The following AACS variants were observed in gnomAD, a reference collection of about 807,000 sequenced individuals.
The protein encoded by AACS is acetoacetyl-CoA synthetase.
Under a neutral mutation model 83.1 loss-of-function variants are expected in AACS, and 69 were observed. That is an observed-to-expected ratio of 0.83 (90% CI 0.68 to 1.01). The LOEUF (loss-of-function observed/expected upper bound fraction) is 1.01. AACS is among the 50% of genes least tolerant of loss of function. The pLI, the probability that AACS is intolerant of heterozygous loss-of-function variation, is 0.00. For missense variants in AACS, 866 were observed against 882.2 expected (o/e 0.98, Z 0.23); for synonymous variants, 333 against 343.4 (o/e 0.97, Z 0.33).
intron 7 of AACS, among the ~76,000 whole-genome samples, chr12:125,103,987 CAAAAAAAAAAAAAAAAAAA>C (rs71092274): frequency 0.1 from 4,289 of 41,768 alleles, 288 homozygotes; most frequent in East Asian, 0.32. Context: ...AACTCCGTCT[CAAAAAAAAAAAAAAAAAAA>C]AAAAAAAAAA....
intron 6 of AACS, 49 bp downstream of exon 6, chr12:125,102,842 G>T (rs1300469741): frequency 6.4e-7 from 1 of 1,557,134 alleles, no homozygotes. Context: ...TGTGTGTGTG[G>T]GTACATAAGA....
intron 10 of AACS, chr12:125,121,552 C>T (rs1296576635): frequency 3.3e-5 from 5 of 152,234 alleles, no homozygotes; most frequent in African/African-American, 1.2e-4. Flanking sequence ...ATTTTGTAGG[C>T]ACAGACAAGA....
Position 125,076,605 on chromosome 12 carries a change from A to G in AACS, c.352A>G (p.Ile118Val), listed in dbSNP as rs11549081. Residue 118 changes from isoleucine to valine, a missense_variant, in exon 3 of 18, where the codon ATT (isoleucine) becomes GTT (valine). Transcript: ENST00000316519. Reference protein sequence around the residue: ...HKENDRVALYIAREGKEEIVK... With the variant: ...HKENDRVALYVAREGKEEIVK... ...AGAGAATGACAGAGTTGCCCTTTAC[A>G]TTGCAAGTAAGTCCTGATGGCGAGA... 240,804 of 1,613,700 alleles carry G rather than the reference A, an allele frequency of 0.15. 19,958 individuals carry two copies. The highest frequency in any genetic ancestry group is 0.31 in the African/African-American group (23,080 of 74,910).
chr12:125,141,716 A>G (rs1311788044), intron 17 of AACS: 3 of 127,700 alleles, frequency 2.3e-5, no homozygotes, highest in Admixed American at 8.2e-5. Flanking sequence ...AAAAAGAAAA[A>G]AAAAGAAAAA....
intron 3 of AACS, among the ~76,000 whole-genome samples, chr12:125,079,543 G>A (rs1223889183): frequency 3.9e-5 from 6 of 152,038 alleles, no homozygotes; most frequent in Non-Finnish European, 5.9e-5. Context: ...CACTGTGTCC[G>A]GCTAATTTTT....
At chr12:125,071,560 T>G (rs562985808) in intron 1 of AACS, among the ~76,000 whole-genome samples, 6 of 152,324 alleles carry the variant, frequency 3.9e-5, no homozygotes, top group Middle Eastern at 3.4e-3. Context: ...AACAGGCTTT[T>G]AAGTGTGAGC....
Position 125,113,072 on chromosome 12 carries a change from G to A in AACS, c.916-1405G>A, listed in dbSNP as rs1268233622. Among the ~76,000 whole-genome samples the A allele has an allele frequency of 6.6e-6, 1 of 152,212 alleles. No individual in the cohort carries two copies. The highest frequency in any genetic ancestry group is 2.4e-5 in the African/African-American group (1 of 41,460). ...CCTGTCTGCCTGGCAGTCTCTGGAA[G>A]CTTCAGTTGCTGCTGTTTGTGGGCT... On this transcript the variant is annotated intron_variant, in intron 8 of 17. Transcript: ENST00000316519. This position sits in a 1 kb window ranked among gnomAD's most constrained non-coding sequence, Gnocchi z 4.8.
rs1203942370 is a variant in AACS at position 125,094,303 on chromosome 12, G to A, written c.570+2780G>A. On this transcript the variant is annotated intron_variant, in intron 5 of 17. Transcript: ENST00000316519. The surrounding 1 kb of genome is among the most constrained non-coding windows in gnomAD (Gnocchi z 4.1). ...CGCTCTTCAGAAACTGCAATGAAGC[G>A]TGAATGTCTTCCCTTTGGAATCATG... Among the ~76,000 whole-genome samples the A allele has an allele frequency of 2.0e-5, 3 of 152,238 alleles. No homozygotes were observed. The highest frequency in any genetic ancestry group is 6.5e-5 in the Admixed American group (1 of 15,290).
At chr12:125,090,056 CCT>C (rs1956432540) in intron 4 of AACS, among the ~76,000 whole-genome samples, 1 of 25,644 alleles carries the variant, frequency 3.9e-5, no homozygotes. Flanking sequence ...CCCATCCATC[CCT>C]CATCCATCTA....
rs976277958 is a variant in AACS at position 125,130,827 on chromosome 12, G to C, written c.1549+1367G>C. 6.6e-6 allele frequency among the ~76,000 whole-genome samples: 1 copy of C among 152,160 alleles called. No homozygotes were observed. The highest frequency in any genetic ancestry group is 6.5e-5 in the Admixed American group (1 of 15,270). On this transcript the variant is annotated intron_variant, in intron 14 of 17. Coordinates refer to ENST00000316519, the MANE Select transcript of AACS (RefSeq NM_023928.5). This position sits in a 1 kb window ranked among gnomAD's most constrained non-coding sequence, Gnocchi z 4.9. ...TTTGAATAATCCTGTCATGAAGTCA[G>C]TTTTAAAGGTAGCTTCCTCCAATAC...
At chr12:125,084,602 A>G (rs1392230760) in intron 3 of AACS, among the ~76,000 whole-genome samples, 2 of 150,006 alleles carry the variant, frequency 1.3e-5, no homozygotes. Flanking sequence ...TTTCCAAGAC[A>G]GAGTCTCACT....
chr12:125,109,475 A>T (rs575426675), intron 8 of AACS, among the ~76,000 whole-genome samples: 2 of 152,194 alleles, frequency 1.3e-5, no homozygotes, highest in Admixed American at 6.5e-5. Context: ...CTCTCAGCGT[A>T]TATACACATG....
At chr12:125,134,692 G>A (rs1957375252) in intron 15 of AACS, 102 bp from the exon 16 acceptor site, 5 of 1,289,272 alleles carry the variant, frequency 3.9e-6, no homozygotes, top group Admixed American at 1.8e-5. Context: ...AGTCCTGGGG[G>A]ATGCCATGGG....
rs943683215 is a variant in AACS, at chr12:125,065,713, G to T, written c.129G>T (p.Ala43=). The part of the protein sequence containing the change: ...RAAVGAACGL[A]LESYDDLYHW... ...CTGTGGGCGCCGCCTGCGGCCTGGCGCTGGGTGAGAGTCGGGCGCGCGGCC... is the reference window on the plus strand; with the variant it reads ...CTGTGGGCGCCGCCTGCGGCCTGGCTCTGGGTGAGAGTCGGGCGCGCGGCC... The change falls in exon 1 of 18, where the codon GCG becomes GCT. Residue 43 remains alanine, a synonymous_variant. Coordinates refer to ENST00000316519, the MANE Select transcript of AACS (RefSeq NM_023928.5). The T allele has an allele frequency of 5.2e-6, 8 of 1,535,720 alleles. No homozygotes were observed. In the Admixed American group the frequency reaches 1.6e-4, roughly 31 times the overall value.
chr12:125,103,778 G>C (rs1956769441), intron 7 of AACS, among the ~76,000 whole-genome samples: 1 of 151,952 alleles, frequency 6.6e-6, no homozygotes, highest in South Asian at 2.1e-4. Flanking sequence ...CACGAGGTCA[G>C]GAGATCGAGA....
chr12:125,133,456 C>T (rs1018664962), intron 14 of AACS, among the ~76,000 whole-genome samples: 1 of 152,226 alleles, frequency 6.6e-6, no homozygotes, highest in African/African-American at 2.4e-5. Context: ...TCCCCGTCTC[C>T]TCATCCCCTG....
At chr12:125,141,711 GAAAAAAAA>G (rs59709644) in intron 17 of AACS, 34 of 87,604 alleles carry the variant, frequency 3.9e-4, no homozygotes, top group Middle Eastern at 5.8e-3. Flanking sequence ...AAAAAAAAAA[GAAAAAAAA>G]AGAAAAAAAG....
intron 1 of AACS, among the ~76,000 whole-genome samples, chr12:125,072,632 C>T (rs1955901152): frequency 6.6e-6 from 1 of 152,230 alleles, no homozygotes; most frequent in African/African-American, 2.4e-5. Flanking sequence ...TAAAATTCTC[C>T]TGTCCCTAAG....
At chr12:125,123,372 ACT>A (rs1957187517) in intron 10 of AACS, 1 of 152,052 alleles carries the variant, frequency 6.6e-6, no homozygotes, top group African/African-American at 2.4e-5. Flanking sequence ...AGTTAATCAA[ACT>A]CTGAGTTTAT....
Sources: gnomAD v4.1 joint callset for allele counts (sites outside exome capture counted in the v4.1 genomes callset) on GRCh38, gnomAD v4.1.1 for gene constraint, Gnocchi (gnomAD v3.1) non-coding constraint, MANE v1.5 for transcripts, NCBI Gene and HGNC (gene_info 2026-07-23, HGNC 2026-07-21) for gene names.